The following PRDM2 variants were observed in gnomAD, a reference collection of about 807,000 sequenced individuals.
The protein encoded by PRDM2 is PR/SET domain 2.
PRDM2 carries 30 observed loss-of-function variants against 130.0 expected under a neutral mutation model. The ratio of observed to expected loss-of-function variants is 0.23; its 90% CI spans 0.17 to 0.31. The LOEUF (loss-of-function observed/expected upper bound fraction) is 0.31. PRDM2 is among the 10% of genes least tolerant of loss of function. The pLI is 1.00. For synonymous variants in PRDM2, 871 were observed against 782.4 expected, an observed-to-expected ratio of 1.11 and a Z score of -1.89; for missense variants, 2,011 against 2,108.4, an observed-to-expected ratio of 0.95 and a Z score of 0.90.
At chr1:13,735,850 T>C (rs1201268012) in intron 4 of PRDM2, among the ~76,000 whole-genome samples, 1 of 152,206 alleles carries the variant, frequency 6.6e-6, no homozygotes, top group Non-Finnish European at 1.5e-5. Context: ...GAAAAATATA[T>C]ACAAGAACAT....
chr1:13,749,500 C>A lies in PRDM2; in HGVS notation c.511+13C>A. 1.5e-6 allele frequency: 2 copies of A among 1,352,140 alleles called. No individual in the cohort carries two copies. The highest frequency in any genetic ancestry group is 9.7e-7 in the Non-Finnish European group (1 of 1,028,458). The allele number at this position is 1,352,140 out of a possible 1,614,324, so 83.8% of individuals were successfully genotyped here. On this transcript the variant is annotated intron_variant, in intron 6 of 9. Coordinates refer to ENST00000311066, the MANE Select transcript of PRDM2 (RefSeq NM_001393986.1). ...AAGAGCCGGAAAGGTAGGAGCCCCC[C>A]GGCCCGCCCGCCCGGCCCCGGCGCC...
Position 13,779,732 on chromosome 1 carries a change from C to T in PRDM2, c.1937C>T (p.Ala646Val), listed in dbSNP as rs368402511. 2 of 1,614,028 alleles carry T rather than the reference C, an allele frequency of 1.2e-6. No homozygotes were observed. The highest frequency in any genetic ancestry group is 8.5e-7 in the Non-Finnish European group (1 of 1,180,024). Reference sequence around the variant, plus strand: ...AAGCGGAGAACTGCGAGCCCACCTGCACTGCCCAAAATTAAGGCCGAAACA... The same window carrying T: ...AAGCGGAGAACTGCGAGCCCACCTGTACTGCCCAAAATTAAGGCCGAAACA... ...AKKRRTASPP[A>V]LPKIKAETDS... Residue 646 changes from alanine to valine, a missense_variant, in exon 8 of 10, where the codon GCA (alanine) becomes GTA (valine). Physicochemically the swap from Ala to Val is moderately conservative, Grantham distance 64 (BLOSUM62 0). Coordinates refer to ENST00000311066, the MANE Select transcript of PRDM2 (RefSeq NM_001393986.1). This position sits in a 1 kb window ranked among gnomAD's most constrained non-coding sequence, Gnocchi z 4.9.
intron 6 of PRDM2, among the ~76,000 whole-genome samples, chr1:13,753,587 A>G (rs529312196): frequency 3.9e-5 from 6 of 152,374 alleles, no homozygotes; most frequent in East Asian, 1.9e-4. Context: ...CTTAAAATAT[A>G]GGGAGGTAAG....
intron 2 of PRDM2, among the ~76,000 whole-genome samples, chr1:13,722,282 G>T (rs1291605589): frequency 1.3e-5 from 2 of 152,162 alleles, no homozygotes; most frequent in Non-Finnish European, 2.9e-5. Context: ...TCGTGGAGGA[G>T]CTGGGATTTG....
In PRDM2 at chr1:13,712,269, G is replaced by A. The variant is rs375472110; in HGVS notation, c.-65-3272G>A. On this transcript the variant is annotated intron_variant, in intron 1 of 9. Transcript: ENST00000311066. ...AGATTCCTTGAGATAATCAAATAAT[G>A]CAATGTTTTAAGTACTATTGTAATT... is the stretch of plus-strand genomic sequence containing the variant. Among the ~76,000 whole-genome samples the A allele has an allele frequency of 2.4e-4, 36 of 152,210 alleles. No individual in the cohort carries two copies. In the East Asian group the frequency reaches 6.4e-3, roughly 27 times the overall value.
chr1:13,717,832 G>C (rs915102614), intron 2 of PRDM2, among the ~76,000 whole-genome samples: 1 of 151,922 alleles, frequency 6.6e-6, no homozygotes, highest in Non-Finnish European at 1.5e-5. Flanking sequence ...TTCTGATTTG[G>C]GTGTAATTTA....
Position 13,700,259 on chromosome 1 carries a change from G to A in PRDM2, c.-107G>A, listed in dbSNP as rs551687935. The A allele has an allele frequency of 1.3e-5, 2 of 151,060 alleles. No individual in the cohort carries two copies. The highest frequency in any genetic ancestry group is 4.9e-5 in the African/African-American group (2 of 41,138). 9.4% of individuals were successfully genotyped at this position (151,060 alleles called of 1,614,324 possible). ...GGGCCGGCGAAACAGCGGCGGCGGC[G>A]GCGGCCCTCGGTGCTCTGAGGCGCT... is the stretch of plus-strand genomic sequence containing the variant. On this transcript the variant is annotated 5_prime_UTR_variant, in exon 1 of 10. Coordinates refer to ENST00000311066, the MANE Select transcript of PRDM2 (RefSeq NM_001393986.1).
intron 8 of PRDM2, among the ~76,000 whole-genome samples, chr1:13,810,900 C>G (rs980375156): frequency 6.6e-6 from 1 of 151,772 alleles, no homozygotes. Flanking sequence ...GTTTACAGAT[C>G]TGGGCCAGGC....
chr1:13,780,089 A>G lies in PRDM2; in HGVS notation c.2294A>G (p.Asp765Gly), dbSNP rs768770665. Residue 765 changes from aspartate to glycine, a missense_variant, in exon 8 of 10, where the codon GAT (aspartate) becomes GGT (glycine). This residue lies in a region of PRDM2 where 1,288 missense variants were observed against 1,237.7 expected (regional missense o/e 1.04). Coordinates refer to ENST00000311066, the MANE Select transcript of PRDM2 (RefSeq NM_001393986.1). Reference protein sequence around the residue: ...KPSDGKAAWTDAGLTSKKSKL... With the variant: ...KPSDGKAAWTGAGLTSKKSKL... ...AGTGATGGGAAAGCAGCATGGACCG[A>G]TGCCGGGCTGACTTCCAAAAAATCC... is the stretch of plus-strand genomic sequence containing the variant. 1 of 1,613,408 alleles carries G rather than the reference A, an allele frequency of 6.2e-7. No homozygotes were observed. The highest frequency in any genetic ancestry group is 1.1e-5 in the South Asian group (1 of 90,948).
intron 9 of PRDM2, among the ~76,000 whole-genome samples, chr1:13,821,682 G>A (rs1419955537): frequency 6.6e-6 from 1 of 152,060 alleles, no homozygotes; most frequent in Non-Finnish European, 1.5e-5. Flanking sequence ...GGCCAGGCTG[G>A]TCTCGAACTC....
At chr1:13,705,914 G>A (rs559409003) in intron 1 of PRDM2, among the ~76,000 whole-genome samples, 10 of 150,730 alleles carry the variant, frequency 6.6e-5, no homozygotes, top group African/African-American at 2.2e-4. Context: ...CCTGGGAGGC[G>A]GAGGTTGCAG....
chr1:13,789,114 G>A (rs1248177287), intron 8 of PRDM2, among the ~76,000 whole-genome samples: 1 of 152,182 alleles, frequency 6.6e-6, no homozygotes, highest in Admixed American at 6.5e-5. Context: ...GTTTACTGGA[G>A]GAGTCACCAA....
intron 1 of PRDM2, among the ~76,000 whole-genome samples, chr1:13,708,216 A>G (rs1642266044): frequency 1.3e-5 from 2 of 151,392 alleles, no homozygotes; most frequent in African/African-American, 2.4e-5. Context: ...AGGAAGAGTT[A>G]TTCTGACAGG....
chr1:13,712,686 A>G (rs148882675), intron 1 of PRDM2, among the ~76,000 whole-genome samples: 2,569 of 152,242 alleles, frequency 0.017, 41 homozygotes, highest in South Asian at 0.084. Context: ...GAACCCTGGA[A>G]GGAGGTGGGG....
At chr1:13,705,215 G>T (rs1642170309) in intron 1 of PRDM2, 1 of 152,172 alleles carries the variant, frequency 6.6e-6, no homozygotes, top group East Asian at 1.9e-4. Flanking sequence ...TTTGTAAAGT[G>T]AAGACTATGA....
chr1:13,795,732 G>T (rs1224421683), intron 8 of PRDM2, among the ~76,000 whole-genome samples: 2 of 152,230 alleles, frequency 1.3e-5, no homozygotes, highest in African/African-American at 2.4e-5. Context: ...TTTTACCAAG[G>T]TTGGAGCCTC....
At chr1:13,758,702 G>T (rs1270875268) in intron 6 of PRDM2, among the ~76,000 whole-genome samples, 1 of 152,136 alleles carries the variant, frequency 6.6e-6, no homozygotes, top group Non-Finnish European at 1.5e-5. Context: ...CAGTGTTCTG[G>T]AGCATTTATT....
chr1:13,742,509 T>C (rs1218274677), intron 5 of PRDM2, among the ~76,000 whole-genome samples: 1 of 152,228 alleles, frequency 6.6e-6, no homozygotes, highest in Non-Finnish European at 1.5e-5. Context: ...GGCCTGCTTA[T>C]ATTTTTCTAA....
chr1:13,721,810 C>CCT (rs1642737944), intron 2 of PRDM2, among the ~76,000 whole-genome samples: 1 of 152,090 alleles, frequency 6.6e-6, no homozygotes, highest in Non-Finnish European at 1.5e-5. Context: ...CCTTTGATGC[C>CCT]CTCTAACTCA....
Sources: gnomAD v4.1 joint callset for allele counts (sites outside exome capture counted in the v4.1 genomes callset) on GRCh38, gnomAD v4.1.1 for gene constraint, gnomAD v4.1.1 regional missense constraint, Gnocchi (gnomAD v3.1) non-coding constraint, MANE v1.5 for transcripts, NCBI Gene and HGNC (gene_info 2026-07-23, HGNC 2026-07-21) for gene names.